The following NAV3 variants were observed in gnomAD, a reference collection of about 807,000 sequenced individuals.
NAV3 encodes the protein pore membrane and/or filament interacting like protein 1.
A neutral mutation model predicts 244.7 loss-of-function variants in NAV3; 87 were observed. The ratio of observed to expected loss-of-function variants is 0.36; its 90% CI spans 0.30 to 0.42. The LOEUF (loss-of-function observed/expected upper bound fraction) is 0.42. Ranked by LOEUF, NAV3 falls within the 20% of genes least tolerant of loss-of-function variation. NAV3 has a pLI of 1.00. For missense variants in NAV3, 2,663 were observed against 2,893.3 expected, an observed-to-expected ratio of 0.92 and a Z score of 1.83; for synonymous variants, 1,126 against 1,042.2, an observed-to-expected ratio of 1.08 and a Z score of -1.55.
intron 1 of NAV3, among the ~76,000 whole-genome samples, chr12:77,870,147 A>G (rs532284871): frequency 6.6e-5 from 10 of 152,148 alleles, no homozygotes; most frequent in African/African-American, 2.4e-4. Flanking sequence ...CTGGTGGATC[A>G]TGAGGCCAAG....
At chr12:77,683,737 GT>G (rs1247246241) in intron 2 of NAV3, among the ~76,000 whole-genome samples, 5 of 151,866 alleles carry the variant, frequency 3.3e-5, no homozygotes, top group Non-Finnish European at 7.4e-5. Flanking sequence ...TAAGCATAAT[GT>G]TTTTGAGATT....
intron 2 of NAV3, among the ~76,000 whole-genome samples, chr12:77,681,379 C>CT (rs1180692444): frequency 1.3e-5 from 2 of 152,118 alleles, no homozygotes; most frequent in Non-Finnish European, 2.9e-5. Flanking sequence ...CCCAGGAAGT[C>CT]TTTTTTAATA....
At chr12:77,954,652 A>G (rs1891199328) in intron 3 of NAV3, among the ~76,000 whole-genome samples, 1 of 152,220 alleles carries the variant, frequency 6.6e-6, no homozygotes, top group African/African-American at 2.4e-5. Context: ...AGGAGAACAT[A>G]GAGAAGCTCC....
At chr12:77,645,341 C>G (rs1227904607) in intron 2 of NAV3, among the ~76,000 whole-genome samples, 2 of 151,440 alleles carry the variant, frequency 1.3e-5, no homozygotes, top group African/African-American at 4.9e-5. Context: ...ATAACTTTAA[C>G]TCTGTTTCAA....
upstream of NAV3, among the ~76,000 whole-genome samples, chr12:77,827,479 GC>G (rs1162807019): frequency 6.6e-6 from 1 of 151,896 alleles, no homozygotes; most frequent in Non-Finnish European, 1.5e-5. Flanking sequence ...CTCTCTTATT[GC>G]CTAAAACTCC....
At chr12:77,873,762 ATATATG>A (rs1470663532) in intron 1 of NAV3, among the ~76,000 whole-genome samples, 1,688 of 116,184 alleles carry the variant, frequency 0.015, 94 homozygotes, top group African/African-American at 0.041. Context: ...ATATATATAT[ATATATG>A]TATATAACAG....
At chr12:77,936,758 A>G (rs541625032) in intron 1 of NAV3, among the ~76,000 whole-genome samples, 1 of 152,188 alleles carries the variant, frequency 6.6e-6, no homozygotes, top group Non-Finnish European at 1.5e-5. Flanking sequence ...TTTAAAGATC[A>G]CATTCTAATG....
intron 2 of NAV3, among the ~76,000 whole-genome samples, chr12:77,620,663 T>C (rs1055102197): frequency 1.3e-5 from 2 of 152,078 alleles, no homozygotes; most frequent in African/African-American, 2.4e-5. Flanking sequence ...GGTTTCACCA[T>C]GTTGTCCAGG....
chr12:77,648,782 C>T (rs1257083193), intron 2 of NAV3, among the ~76,000 whole-genome samples: 1 of 152,044 alleles, frequency 6.6e-6, no homozygotes, highest in Non-Finnish European at 1.5e-5. Context: ...TTTCAGCATC[C>T]TGAATTTTCT....
At chr12:78,154,148 G>A (rs1408615750) in intron 22 of NAV3, among the ~76,000 whole-genome samples, 4 of 134,648 alleles carry the variant, frequency 3.0e-5, no homozygotes, top group Non-Finnish European at 4.8e-5. Flanking sequence ...GTGTATATAT[G>A]TATATATATA....
chr12:77,908,433 C>T (rs1384109914), intron 1 of NAV3, among the ~76,000 whole-genome samples: 1 of 151,934 alleles, frequency 6.6e-6, no homozygotes, highest in Non-Finnish European at 1.5e-5. Context: ...AAATGGGCAT[C>T]ACTTACCAAA....
intron 2 of NAV3, among the ~76,000 whole-genome samples, chr12:77,647,019 A>G (rs1872629331): frequency 6.6e-6 from 1 of 151,322 alleles, no homozygotes; most frequent in South Asian, 2.1e-4. Context: ...ATATACATGG[A>G]CATACACACA....
chr12:78,135,518 C>G (rs1335212227), intron 18 of NAV3, among the ~76,000 whole-genome samples: 1 of 152,154 alleles, frequency 6.6e-6, no homozygotes, highest in Non-Finnish European at 1.5e-5. Context: ...AAGAATTATA[C>G]AAAGCCAAAA....
chr12:77,641,892 A>T (rs1463074147), intron 2 of NAV3, among the ~76,000 whole-genome samples: 1 of 152,152 alleles, frequency 6.6e-6, no homozygotes, highest in Non-Finnish European at 1.5e-5. Context: ...CACCCAACCA[A>T]GGCAAAAGCA....
chr12:78,155,247 C>A (rs1156874024), intron 22 of NAV3, among the ~76,000 whole-genome samples: 1 of 152,090 alleles, frequency 6.6e-6, no homozygotes, highest in East Asian at 1.9e-4. Flanking sequence ...TCGTTCTACT[C>A]CCACTTATAA....
intron 1 of NAV3, among the ~76,000 whole-genome samples, chr12:77,887,662 T>C (rs1883446990): frequency 1.3e-5 from 2 of 152,140 alleles, no homozygotes; most frequent in South Asian, 4.1e-4. Flanking sequence ...TAATCTCCTT[T>C]TTCCACTTTG....
chr12:78,075,482 T>C (rs895904413), intron 12 of NAV3, among the ~76,000 whole-genome samples: 2 of 152,198 alleles, frequency 1.3e-5, no homozygotes, highest in East Asian at 3.9e-4. Flanking sequence ...TGGATGTGGC[T>C]GAATAGAACA....
chr12:77,692,528 A>G lies in NAV3; in HGVS notation c.72+120262A>G, dbSNP rs113853401. Among the ~76,000 whole-genome samples the G allele has an allele frequency of 5.9e-3, 894 of 152,214 alleles. 11 individuals are homozygous for G. The highest frequency in any genetic ancestry group is 0.02 in the African/African-American group (848 of 41,568). ...TGCTTTACTAAGCATGGGGTATGAT[A>G]CAGTAAACCTCGCTCTATGCACTAA... is the stretch of plus-strand genomic sequence containing the variant. On this transcript the variant is annotated intron_variant, in intron 2 of 8. Coordinates refer to the NAV3 transcript ENST00000550042.
At chr12:77,745,852 G>A (rs1443994048) in intron 2 of NAV3, among the ~76,000 whole-genome samples, 7 of 151,850 alleles carry the variant, frequency 4.6e-5, no homozygotes, top group South Asian at 4.1e-4. Flanking sequence ...CAAAATAAAT[G>A]GAATAACAGT....
Sources: allele counts gnomAD v4.1 joint callset (sites outside exome capture counted in the v4.1 genomes callset), GRCh38; gene constraint gnomAD v4.1.1; transcripts MANE v1.5; gene names NCBI Gene and HGNC (gene_info 2026-07-23, HGNC 2026-07-21).